CNTNAP5: variants seen among roughly 807,000 people sequenced by gnomAD.
CNTNAP5 encodes the protein contactin-associated protein-like 5.
Under a neutral mutation model 150.2 loss-of-function variants are expected in CNTNAP5, and 72 were observed. The observed-to-expected ratio is 0.48, with a 90% confidence interval of 0.40 to 0.58. The LOEUF (loss-of-function observed/expected upper bound fraction) is 0.58. Ranked by LOEUF, CNTNAP5 falls within the 20% of genes least tolerant of loss-of-function variation. The probability of loss-of-function intolerance (pLI) is 0.00; values close to 1 mark genes in which losing one functional copy is unlikely to be tolerated. For synonymous variants in CNTNAP5, 672 were observed against 619.8 expected (o/e 1.08, Z -1.25); for missense variants, 1,636 against 1,626.2 (o/e 1.01, Z -0.10).
At chr2:124,396,657 A>G (rs888447941) in intron 3 of CNTNAP5, among the ~76,000 whole-genome samples, 1 of 152,180 alleles carries the variant, frequency 6.6e-6, no homozygotes, top group Non-Finnish European at 1.5e-5. Flanking sequence ...TTTCTAATGA[A>G]TAGTTGGATC....
intron 1 of CNTNAP5, among the ~76,000 whole-genome samples, chr2:124,145,681 T>G (rs1334583600): frequency 7.9e-6 from 1 of 126,322 alleles, no homozygotes; most frequent in African/African-American, 3.1e-5. Context: ...CATTGGGAGA[T>G]ATACCTAATG....
intron 3 of CNTNAP5, among the ~76,000 whole-genome samples, chr2:124,349,201 C>G (rs983724918): frequency 6.6e-6 from 1 of 152,130 alleles, no homozygotes; most frequent in African/African-American, 2.4e-5. Flanking sequence ...CTGGATAGCA[C>G]AGCCTACTAC....
chr2:124,838,968 G>A (rs1032727874), intron 19 of CNTNAP5, among the ~76,000 whole-genome samples: 4 of 152,204 alleles, frequency 2.6e-5, no homozygotes, highest in South Asian at 2.1e-4. Flanking sequence ...CATTTGATTA[G>A]AAGAGTCATA....
At chr2:124,307,436 A>T (rs1039555596) in intron 3 of CNTNAP5, among the ~76,000 whole-genome samples, 4 of 152,178 alleles carry the variant, frequency 2.6e-5, no homozygotes, top group African/African-American at 9.7e-5. Flanking sequence ...ACTGTCTACA[A>T]CAAAGCTCTA....
At chr2:124,723,041 A>T (rs1273509131) in intron 13 of CNTNAP5, among the ~76,000 whole-genome samples, 1 of 152,088 alleles carries the variant, frequency 6.6e-6, no homozygotes. Flanking sequence ...TTCCAGCCAT[A>T]CTTACTGTGT....
chr2:124,498,586 G>A (rs1206097331), intron 7 of CNTNAP5, among the ~76,000 whole-genome samples: 1 of 152,164 alleles, frequency 6.6e-6, no homozygotes. Context: ...ACAGATGTGA[G>A]CTACCACGCT....
chr2:124,357,334 T>G (rs368802927), intron 3 of CNTNAP5, among the ~76,000 whole-genome samples: 204 of 152,272 alleles, frequency 1.3e-3, no homozygotes, highest in African/African-American at 3.3e-3. Context: ...GTCAATTTTG[T>G]CTTTTGTTGC....
intron 1 of CNTNAP5, among the ~76,000 whole-genome samples, chr2:124,112,289 A>G (rs1032721057): frequency 6.6e-6 from 1 of 152,076 alleles, no homozygotes; most frequent in Admixed American, 6.6e-5. Context: ...TGAGTTGACT[A>G]TTTGGACAAG....
At position 124,647,740 on chromosome 2, in the gene CNTNAP5, G is replaced by T. The variant is rs1461476656; in HGVS notation, c.1877-18G>T. 1 of 1,570,642 alleles carries T rather than the reference G, an allele frequency of 6.4e-7. No homozygotes were observed. The highest frequency in any genetic ancestry group is 1.2e-5 in the South Asian group (1 of 86,230). ...TTGCTTCTAACGTCTCTTGCTTTGTGTTGTGTTGTCTGGGCAGAGGACAAG... is the reference window on the plus strand; with the variant it reads ...TTGCTTCTAACGTCTCTTGCTTTGTTTTGTGTTGTCTGGGCAGAGGACAAG... On this transcript the variant is annotated intron_variant, in intron 12 of 23. Transcript: ENST00000682447.
intron 3 of CNTNAP5, among the ~76,000 whole-genome samples, chr2:124,392,771 G>A (rs1691154318): frequency 6.7e-6 from 1 of 149,972 alleles, no homozygotes; most frequent in Non-Finnish European, 1.5e-5. Flanking sequence ...AAAAAAAGAG[G>A]AGAACAAAAC....
At chr2:124,703,109 T>TCCCTC (rs1553433059) in intron 13 of CNTNAP5, among the ~76,000 whole-genome samples, 1 of 143,170 alleles carries the variant, frequency 7.0e-6, no homozygotes, top group African/African-American at 2.7e-5. Context: ...CTTCCTTCCT[T>TCCCTC]CCTCCCTCCC....
At chr2:124,066,437 T>C (rs1282471772) in intron 1 of CNTNAP5, among the ~76,000 whole-genome samples, 2 of 152,172 alleles carry the variant, frequency 1.3e-5, no homozygotes, top group Non-Finnish European at 2.9e-5. Flanking sequence ...TTTAAATTAG[T>C]AATATCCCAT....
intron 13 of CNTNAP5, among the ~76,000 whole-genome samples, chr2:124,666,018 C>T (rs1011424799): frequency 1.3e-5 from 2 of 152,060 alleles, no homozygotes; most frequent in African/African-American, 4.8e-5. Flanking sequence ...AAAAAACAAA[C>T]TGTAAAATAC....
intron 4 of CNTNAP5, among the ~76,000 whole-genome samples, chr2:124,433,884 A>T (rs7576185): frequency 0.18 from 27,815 of 152,154 alleles, 2,817 homozygotes; most frequent in East Asian, 0.33. Flanking sequence ...TTGTATAAAA[A>T]CACTAAAATG....
chr2:124,789,883 C>A lies in CNTNAP5; in HGVS notation c.2753-19C>A. On this transcript the variant is annotated intron_variant, in intron 17 of 23. Coordinates refer to ENST00000682447, the MANE Select transcript of CNTNAP5 (RefSeq NM_001367498.1). ...CCCTATAATACCTTACATTTGTTTCCTTTTATTTAACCTCTTAGGGGGAAC... is the reference window on the plus strand; with the variant it reads ...CCCTATAATACCTTACATTTGTTTCATTTTATTTAACCTCTTAGGGGGAAC... The A allele has an allele frequency of 6.2e-7, 1 of 1,611,544 alleles. No homozygotes were observed. The highest frequency in any genetic ancestry group is 8.5e-7 in the Non-Finnish European group (1 of 1,178,616).
intron 11 of CNTNAP5, among the ~76,000 whole-genome samples, chr2:124,592,948 A>T (rs1696731592): frequency 6.6e-6 from 1 of 150,888 alleles, no homozygotes; most frequent in South Asian, 2.1e-4. Context: ...ATGTTTGTTT[A>T]TTTTTTTAAT....
rs184316202 is a variant in CNTNAP5 at position 124,418,856 on chromosome 2, C to T, written c.529+1266C>T. On this transcript the variant is annotated intron_variant, in intron 4 of 23. Coordinates refer to ENST00000682447, the MANE Select transcript of CNTNAP5 (RefSeq NM_001367498.1). ...GGTTATTTTAAAATACAGTATGGGCCGGGCGCGGTGGCTCACGCCTGTAAT... is the reference window on the plus strand; with the variant it reads ...GGTTATTTTAAAATACAGTATGGGCTGGGCGCGGTGGCTCACGCCTGTAAT... Among the ~76,000 whole-genome samples, 725 of 152,144 alleles carry T rather than the reference C, an allele frequency of 4.8e-3. 2 individuals carry two copies. Among genetic ancestry groups the T allele is most frequent in the African/African-American group, 0.017 (687 of 41,536 alleles).
At position 124,226,823 on chromosome 2, in the gene CNTNAP5, C is replaced by T. The variant is rs371193460; in HGVS notation, c.187+5014C>T. ...GGGACTCTGCAGAGTCTCGAGACAG[C>T]CCAGGGCATCACATAGCAAGGTGCC... On this transcript the variant is annotated intron_variant, in intron 2 of 23. Coordinates refer to ENST00000682447, the MANE Select transcript of CNTNAP5 (RefSeq NM_001367498.1). Among the ~76,000 whole-genome samples the T allele has an allele frequency of 3.3e-5, 5 of 152,006 alleles. No homozygotes were observed. The East Asian group carries it at 5.8e-4, about 18-fold the overall frequency.
intron 13 of CNTNAP5, among the ~76,000 whole-genome samples, chr2:124,708,120 A>G (rs17393223): frequency 0.16 from 24,747 of 152,152 alleles, 2,289 homozygotes; most frequent in East Asian, 0.24. Context: ...TTAATAGGCT[A>G]AAAACTCAAG....
Sources: gnomAD v4.1 joint callset for allele counts (sites outside exome capture counted in the v4.1 genomes callset) on GRCh38, gnomAD v4.1.1 for gene constraint, MANE v1.5 for transcripts, NCBI Gene and HGNC (gene_info 2026-07-23, HGNC 2026-07-21) for gene names.